Variants in DISP3 observed in about 807,000 individuals in gnomAD.
DISP3 encodes dispatched RND transporter family member 3, also known as protein dispatched homolog 3.
Under a neutral mutation model 135.3 loss-of-function variants are expected in DISP3, and 101 were observed. That is an observed-to-expected ratio of 0.75 (90% CI 0.64 to 0.88). The LOEUF (loss-of-function observed/expected upper bound fraction) is 0.88, where lower values mean the gene tolerates loss of function less well. DISP3 is among the 40% of genes least tolerant of loss of function. The pLI, the probability that DISP3 is intolerant of heterozygous loss-of-function variation, is 0.00. For synonymous variants in DISP3, 856 were observed against 817.0 expected (o/e 1.05, Z -0.81); for missense variants, 1,713 against 1,878.6 (o/e 0.91, Z 1.63).
Position 11,519,704 on chromosome 1 carries a change from G to C in DISP3, c.2039-15G>C, listed in dbSNP as rs1056077434. ...TTGATTCAGGCTCTGACGGGCCACT[G>C]CTCTGCCCTGGCAGTGTCACTGGAG... On this transcript the variant is annotated splice_polypyrimidine_tract_variant and intron_variant, in intron 8 of 20. Coordinates refer to ENST00000294484, the MANE Select transcript of DISP3 (RefSeq NM_020780.2). This position sits in a 1 kb window ranked among gnomAD's most constrained non-coding sequence, Gnocchi z 4.3. The C allele has an allele frequency of 6.2e-7, 1 of 1,610,734 alleles. No individual in the cohort carries two copies. Among genetic ancestry groups the C allele is most frequent in the African/African-American group, 1.3e-5 (1 of 75,050 alleles).
At chr1:11,506,439 T>A (rs1411462133) in intron 3 of DISP3, among the ~76,000 whole-genome samples, 3 of 152,158 alleles carry the variant, frequency 2.0e-5, no homozygotes, top group Admixed American at 6.5e-5. Flanking sequence ...TTTATTTTTT[T>A]ATTTTTTTTT....
At position 11,531,717 on chromosome 1, in the gene DISP3, C is replaced by T. The variant is rs1488499757; in HGVS notation, c.3375+7C>T. 6.3e-7 allele frequency: 1 copy of T among 1,590,108 alleles called. No individual in the cohort carries two copies. Among genetic ancestry groups the T allele is most frequent in the Admixed American group, 1.7e-5 (1 of 58,602 alleles). ...CTCCATGGCTTTCGAGTCGGTGAGC[C>T]CAGGCAGCCTCACTGGGTGCCATGC... On this transcript the variant is annotated splice_region_variant and intron_variant, in intron 17 of 20. Transcript: ENST00000294484. This position sits in a 1 kb window ranked among gnomAD's most constrained non-coding sequence, Gnocchi z 5.2.
chr1:11,531,098 C>G lies in DISP3; in HGVS notation c.3229+65C>G. ...TGGACTGACTGGGGAGGCACAGAGG[C>G]CGTGGTCCAAGGTAGACAGCCCGAA... is the stretch of plus-strand genomic sequence containing the variant. On this transcript the variant is annotated intron_variant, in intron 16 of 20. Coordinates refer to ENST00000294484, the MANE Select transcript of DISP3 (RefSeq NM_020780.2). The surrounding 1 kb of genome is among the most constrained non-coding windows in gnomAD (Gnocchi z 5.2). 1 of 1,599,282 alleles carries G rather than the reference C, an allele frequency of 6.3e-7. No homozygotes were observed. Among genetic ancestry groups the G allele is most frequent in the South Asian group, 1.1e-5 (1 of 90,068 alleles).
At chr1:11,515,039 A>C (rs1641964148) in intron 4 of DISP3, among the ~76,000 whole-genome samples, 1 of 152,212 alleles carries the variant, frequency 6.6e-6, no homozygotes, top group Admixed American at 6.5e-5. Context: ...TACAACAGAT[A>C]TTTACTGGGC....
At position 11,502,688 on chromosome 1, in the gene DISP3, G is replaced by A. The variant is rs775679258; in HGVS notation, c.1107G>A (p.Glu369=). The change falls in exon 3 of 21, where the codon GAG becomes GAA. Residue 369 remains glutamate, a synonymous_variant. Transcript: ENST00000294484. The part of the protein sequence containing the change: ...QDLADIRGSL[E]LAMTHPEFYW... ...CCCCTGTCCTTGCAGGCTCCCTGGA[G>A]CTGGCCATGACTCACCCTGAGTTCT... is the stretch of plus-strand genomic sequence containing the variant. 3.7e-6 allele frequency: 6 copies of A among 1,613,764 alleles called. No homozygotes were observed. In the Admixed American group the frequency reaches 5.0e-5, roughly 13 times the overall value.
rs1642528072 is a variant in DISP3, at chr1:11,529,834, A to T, written c.2977A>T (p.Asn993Tyr). Reference sequence around the variant, plus strand: ...CACCTTCGGCTTCAACCCCTGCGTGAACACGGGCTGCGGGAAGCCGGCGGT... The same window carrying T: ...CACCTTCGGCTTCAACCCCTGCGTGTACACGGGCTGCGGGAAGCCGGCGGT... ...SATFGFNPCV[N>Y]TGCGKPAVRP... Residue 993 changes from asparagine to tyrosine, a missense_variant, in exon 15 of 21, where the codon AAC (asparagine) becomes TAC (tyrosine). Asn to Tyr is a moderately radical substitution (Grantham distance 143, BLOSUM62 -2). Around this residue, in one of 2 missense-constraint regions of DISP3, gnomAD observed 1,142 missense variants for 1,384.6 expected, o/e 0.82. Coordinates refer to ENST00000294484, the MANE Select transcript of DISP3 (RefSeq NM_020780.2). The surrounding 1 kb of genome is among the most constrained non-coding windows in gnomAD (Gnocchi z 4.7). The T allele has an allele frequency of 6.2e-7, 1 of 1,613,826 alleles. No individual in the cohort carries two copies. Among genetic ancestry groups the T allele is most frequent in the Admixed American group, 1.7e-5 (1 of 59,992 alleles).
Position 11,526,666 on chromosome 1 carries a change from T to C in DISP3, c.2629T>C (p.Phe877Leu). ...CACTGCTTAGGTGTATAGAGCGCCT[T>C]TTGGTAACTTCACCAAGAAGCTGAC... Reference protein sequence around the residue: ...VPSFQVYRAPFGNFTKKLTAC... With the variant: ...VPSFQVYRAPLGNFTKKLTAC... Residue 877 changes from phenylalanine (F) to leucine (L), a missense_variant, in exon 13 of 21, where the codon TTT becomes CTT. Coordinates refer to ENST00000294484, the MANE Select transcript of DISP3 (RefSeq NM_020780.2). 1 of 1,614,034 alleles carries C rather than the reference T, an allele frequency of 6.2e-7. No homozygotes were observed. Among genetic ancestry groups the C allele is most frequent in the Non-Finnish European group, 8.5e-7 (1 of 1,179,914 alleles).
intron 6 of DISP3, among the ~76,000 whole-genome samples, chr1:11,517,089 T>C (rs1238097045): frequency 1.3e-5 from 2 of 152,132 alleles, no homozygotes; most frequent in Non-Finnish European, 1.5e-5. Context: ...CAGCATTCTC[T>C]CCCTCCCCCT....
rs746501500 is a variant in DISP3 at position 11,501,508 on chromosome 1, C to G, written c.516C>G (p.Pro172=). The part of the protein sequence containing the change: ...GNRSRQASRA[P]RVIPAASLGG... ...GCTCGCGGCAAGCCTCCCGAGCCCC[C>G]CGCGTCATCCCCGCGGCCTCACTCG... Residue 172 remains proline (P), a synonymous_variant, in exon 2 of 21, where the codon CCC becomes CCG. Coordinates refer to ENST00000294484, the MANE Select transcript of DISP3 (RefSeq NM_020780.2). This position sits in a 1 kb window ranked among gnomAD's most constrained non-coding sequence, Gnocchi z 4.9. 5 of 1,605,670 alleles carry G rather than the reference C, an allele frequency of 3.1e-6. No homozygotes were observed. Among genetic ancestry groups the G allele is most frequent in the Middle Eastern group, 3.3e-4 (2 of 6,030 alleles).
At chr1:11,511,802 A>C (rs942085128) in intron 3 of DISP3, among the ~76,000 whole-genome samples, 1 of 152,192 alleles carries the variant, frequency 6.6e-6, no homozygotes, top group Admixed American at 6.5e-5. Flanking sequence ...GAGGTTCTCC[A>C]TCAGGGCTTC....
At chr1:11,490,752 T>A (rs1258962232) in intron 1 of DISP3, among the ~76,000 whole-genome samples, 1 of 152,206 alleles carries the variant, frequency 6.6e-6, no homozygotes, top group Non-Finnish European at 1.5e-5. Flanking sequence ...GCACGGTGGC[T>A]AAAAGGATGG....
At chr1:11,523,819 C>T (rs370681503) in intron 10 of DISP3, 123 bp from the exon 11 acceptor site, 5 of 672,180 alleles carry the variant, frequency 7.4e-6, no homozygotes, top group Non-Finnish European at 1.3e-5. Flanking sequence ...ACACCCACCC[C>T]CTCCAGTCCC....
intron 1 of DISP3, among the ~76,000 whole-genome samples, chr1:11,500,179 G>A (rs1641462095): frequency 6.6e-6 from 1 of 152,228 alleles, no homozygotes; most frequent in Non-Finnish European, 1.5e-5. Flanking sequence ...AGTGGCCCGA[G>A]CCTGACAAAC....
At position 11,537,109 on chromosome 1, in the gene DISP3, G is replaced by A. The variant is rs997802759; in HGVS notation, c.*423G>A. The A allele has an allele frequency of 3.0e-5, 5 of 167,950 alleles. No individual in the cohort carries two copies. The highest frequency in any genetic ancestry group is 2.6e-5 in the Non-Finnish European group (2 of 78,290). 10.4% of individuals were successfully genotyped at this position (167,950 alleles called of 1,614,324 possible). Reference sequence around the variant, plus strand: ...GCCAGGACACAGTGGCTGCCCTGTCGCTGGATCAGTAGCAGAGCCAGAGCT... The same window carrying A: ...GCCAGGACACAGTGGCTGCCCTGTCACTGGATCAGTAGCAGAGCCAGAGCT... On this transcript the variant is annotated 3_prime_UTR_variant, in exon 21 of 21. Coordinates refer to ENST00000294484, the MANE Select transcript of DISP3 (RefSeq NM_020780.2).
At position 11,529,690 on chromosome 1, in the gene DISP3, C is replaced by T. The variant is rs747368863; in HGVS notation, c.2929+4C>T. 5.4e-5 allele frequency: 87 copies of T among 1,603,176 alleles called. No homozygotes were observed. The highest frequency in any genetic ancestry group is 1.2e-4 in the African/African-American group (9 of 74,720). On this transcript the variant is annotated splice_donor_region_variant and intron_variant, in intron 14 of 20. Coordinates refer to ENST00000294484, the MANE Select transcript of DISP3 (RefSeq NM_020780.2). The surrounding 1 kb of genome is among the most constrained non-coding windows in gnomAD (Gnocchi z 4.7). ...TTCTTCGTGCCTAGTGAGAAAGGTA[C>T]GGCAAGGGCACACAGGTGGGGACCT...
rs993096316 is a variant in DISP3 at position 11,491,251 on chromosome 1, G to C, written c.-3-9739G>C. Among the ~76,000 whole-genome samples the C allele has an allele frequency of 6.6e-6, 1 of 152,148 alleles. No individual in the cohort carries two copies. The highest frequency in any genetic ancestry group is 2.4e-5 in the African/African-American group (1 of 41,420). ...CAGGGGAGGATGACCAGGGCAGCAG[G>C]GGTTTTCCAAGAATGCTTCTGGACC... On this transcript the variant is annotated intron_variant, in intron 1 of 20. Coordinates refer to ENST00000294484, the MANE Select transcript of DISP3 (RefSeq NM_020780.2). The surrounding 1 kb of genome is among the most constrained non-coding windows in gnomAD (Gnocchi z 4.3).
At chr1:11,517,157 C>T (rs961648039) in intron 6 of DISP3, among the ~76,000 whole-genome samples, 5 of 152,218 alleles carry the variant, frequency 3.3e-5, no homozygotes, top group South Asian at 2.1e-4. Flanking sequence ...CATTCATTCG[C>T]GTAATGACAG....
At position 11,529,602 on chromosome 1, in the gene DISP3, G is replaced by A. The variant is rs556098064; in HGVS notation, c.2845G>A (p.Val949Ile). The change falls in exon 14 of 21, where the codon GTA becomes ATA. Residue 949 changes from valine (V) to isoleucine (I), a missense_variant. By Grantham distance (29) the Val-to-Ile change is conservative. Coordinates refer to ENST00000294484, the MANE Select transcript of DISP3 (RefSeq NM_020780.2). This position sits in a 1 kb window ranked among gnomAD's most constrained non-coding sequence, Gnocchi z 4.7. ...CCACAAGCCCCCCTTCCACGGGCGC[G>A]TATGCATGGCACCCCCTGGCTGCCT... ...QSHKPPFHGR[V>I]CMAPPGCLLS... is the part of the protein sequence containing the mutation. 122 of 1,606,940 alleles carry A rather than the reference G, an allele frequency of 7.6e-5. No individual in the cohort carries two copies. Among genetic ancestry groups the A allele is most frequent in the East Asian group, 2.7e-4 (12 of 44,632 alleles).
In DISP3 at chr1:11,535,596, C is replaced by T. The variant is rs772794796; in HGVS notation, c.3768C>T (p.Val1256=). The part of the protein sequence containing the change: ...GSSVDYCVHL[V]EGYLLAGENL... ...CCGTGGATTACTGCGTCCACCTGGT[C>T]GAGGGCTACCTGCTGGCTGGAGAGA... is the stretch of plus-strand genomic sequence containing the variant. The change falls in exon 20 of 21, where the codon GTC becomes GTT. Residue 1256 remains valine (V), a synonymous_variant. Transcript: ENST00000294484. 2.0e-5 allele frequency: 32 copies of T among 1,613,200 alleles called. No individual in the cohort carries two copies. Among genetic ancestry groups the T allele is most frequent in the East Asian group, 1.6e-4 (7 of 44,880 alleles).
Sources: allele counts gnomAD v4.1 joint callset (sites outside exome capture counted in the v4.1 genomes callset), GRCh38; gene constraint gnomAD v4.1.1; regional missense constraint gnomAD v4.1.1; non-coding constraint Gnocchi (gnomAD v3.1); transcripts MANE v1.5; gene names NCBI Gene and HGNC (gene_info 2026-07-23, HGNC 2026-07-21).